NFIA: variants seen among roughly 807,000 people sequenced by gnomAD.
NFIA encodes nuclear factor 1 A-type.
NFIA carries 8 observed loss-of-function variants against 62.8 expected under a neutral mutation model. The ratio of observed to expected loss-of-function variants is 0.13; its 90% CI spans 0.07 to 0.23. NFIA has a LOEUF of 0.23. Among genes scored for constraint, NFIA ranks in the 10% least tolerant of loss-of-function variants. NFIA has a pLI of 1.00. For synonymous variants in NFIA, 235 were observed against 238.1 expected, an observed-to-expected ratio of 0.99 and a Z score of 0.12; for missense variants, 410 against 642.1, an observed-to-expected ratio of 0.64 and a Z score of 3.91.
At chr1:61,137,557 A>AT (rs1469907981) in intron 2 of NFIA, among the ~76,000 whole-genome samples, 2 of 151,996 alleles carry the variant, frequency 1.3e-5, no homozygotes, top group Admixed American at 6.6e-5. Flanking sequence ...ATTTTGTGTT[A>AT]TTTTTTTAAC....
At chr1:61,246,025 A>C (rs1170756261) in intron 2 of NFIA, among the ~76,000 whole-genome samples, 2 of 152,212 alleles carry the variant, frequency 1.3e-5, no homozygotes, top group African/African-American at 4.8e-5. Flanking sequence ...CCAAAGAATC[A>C]AAATAACTAA....
intron 2 of NFIA, among the ~76,000 whole-genome samples, chr1:61,215,716 A>G (rs1036756084): frequency 6.6e-6 from 1 of 152,228 alleles, no homozygotes; most frequent in Non-Finnish European, 1.5e-5. Flanking sequence ...TCTGTTTTAT[A>G]TTTCCTGTGG....
chr1:61,387,446 C>T (rs11207733), intron 7 of NFIA, among the ~76,000 whole-genome samples: 1 of 150,014 alleles, frequency 6.7e-6, no homozygotes, highest in Non-Finnish European at 1.5e-5. Flanking sequence ...CTGCCCATCC[C>T]CCAGATCAGC....
At chr1:61,182,328 A>G (rs1002006588) in intron 2 of NFIA, among the ~76,000 whole-genome samples, 4 of 152,192 alleles carry the variant, frequency 2.6e-5, no homozygotes, top group South Asian at 2.1e-4. Flanking sequence ...ACTTGATACT[A>G]TAAGTCCTAG....
chr1:61,263,335 TG>T (rs1432358556), intron 2 of NFIA, among the ~76,000 whole-genome samples: 1 of 152,174 alleles, frequency 6.6e-6, no homozygotes, highest in Non-Finnish European at 1.5e-5. Context: ...GTTAGTGCCT[TG>T]GCTGTGCTGA....
At chr1:61,395,690 A>T (rs1345213928) in intron 7 of NFIA, among the ~76,000 whole-genome samples, 1 of 152,206 alleles carries the variant, frequency 6.6e-6, no homozygotes, top group East Asian at 1.9e-4. Context: ...AACACATTTC[A>T]CATCAGCCAT....
At chr1:61,133,346 T>C (rs942751718) in intron 2 of NFIA, among the ~76,000 whole-genome samples, 4 of 152,030 alleles carry the variant, frequency 2.6e-5, no homozygotes, top group Admixed American at 6.6e-5. Flanking sequence ...TCTTAATTTT[T>C]AATGAGTCTC....
At chr1:61,181,823 G>T (rs1650781985) in intron 2 of NFIA, among the ~76,000 whole-genome samples, 1 of 152,120 alleles carries the variant, frequency 6.6e-6, no homozygotes, top group Non-Finnish European at 1.5e-5. Flanking sequence ...GAAAAATGCA[G>T]TTATCAAAAT....
At chr1:61,253,785 T>C (rs1245505339) in intron 2 of NFIA, among the ~76,000 whole-genome samples, 1 of 152,174 alleles carries the variant, frequency 6.6e-6, no homozygotes, top group African/African-American at 2.4e-5. Flanking sequence ...TAAAATAAAC[T>C]CTTTTGCCTT....
intron 10 of NFIA, among the ~76,000 whole-genome samples, chr1:61,435,858 A>T (rs557356853): frequency 1.3e-5 from 2 of 152,270 alleles, no homozygotes; most frequent in South Asian, 2.1e-4. Context: ...GATAGGTTTC[A>T]TGCACTTTTC....
intron 4 of NFIA, among the ~76,000 whole-genome samples, chr1:61,337,352 C>T (rs549356682): frequency 2.0e-5 from 3 of 151,736 alleles, no homozygotes; most frequent in Admixed American, 6.6e-5. Flanking sequence ...CTAAAGTCCA[C>T]GAAAGGCAAG....
chr1:61,120,072 C>G (rs949409637), intron 2 of NFIA, among the ~76,000 whole-genome samples: 16 of 152,068 alleles, frequency 1.1e-4, no homozygotes, highest in African/African-American at 3.9e-4. Flanking sequence ...GATTCATTCC[C>G]CCTTCTTGAA....
chr1:61,379,807 C>G (rs1420438747), intron 6 of NFIA, among the ~76,000 whole-genome samples: 1 of 152,104 alleles, frequency 6.6e-6, no homozygotes, highest in East Asian at 1.9e-4. Context: ...CCTGTCTCAG[C>G]CTCCCACAGT....
chr1:61,316,548 G>A (rs1660375658), intron 3 of NFIA, among the ~76,000 whole-genome samples: 1 of 152,184 alleles, frequency 6.6e-6, no homozygotes, highest in Non-Finnish European at 1.5e-5. Context: ...TGAGCATCCT[G>A]AGGGGACAGG....
At chr1:61,077,294 G>A, upstream of NFIA, 1 of 281,578 alleles carries the variant, frequency 3.6e-6, no homozygotes, top group East Asian at 5.9e-5. Context: ...AAGCACGCAA[G>A]GCAAAACCAG....
chr1:61,412,182 A>G (rs1361472534), intron 9 of NFIA, among the ~76,000 whole-genome samples: 1 of 152,202 alleles, frequency 6.6e-6, no homozygotes, highest in Non-Finnish European at 1.5e-5. Flanking sequence ...CCAGCATTCT[A>G]GGTATAAGGG....
intron 7 of NFIA, among the ~76,000 whole-genome samples, chr1:61,389,177 G>A (rs1156352828): frequency 6.6e-6 from 1 of 152,176 alleles, no homozygotes; most frequent in Non-Finnish European, 1.5e-5. Flanking sequence ...GTGCCATCAG[G>A]GATTGAGATT....
At chr1:61,158,393 G>C (rs1648956696) in intron 2 of NFIA, among the ~76,000 whole-genome samples, 1 of 152,056 alleles carries the variant, frequency 6.6e-6, no homozygotes, top group South Asian at 2.1e-4. Context: ...CTACTACCCT[G>C]ATTTACTAAT....
At chr1:61,362,554 A>C (rs1270075942) in intron 6 of NFIA, among the ~76,000 whole-genome samples, 1 of 152,234 alleles carries the variant, frequency 6.6e-6, no homozygotes, top group Non-Finnish European at 1.5e-5. Context: ...AAGATTGTGG[A>C]AAGTAAAACA....
Sources: gnomAD v4.1 joint callset for allele counts (sites outside exome capture counted in the v4.1 genomes callset) on GRCh38, gnomAD v4.1.1 for gene constraint, MANE v1.5 for transcripts, NCBI Gene and HGNC (gene_info 2026-07-23, HGNC 2026-07-21) for gene names.